NCALD: variants seen among roughly 807,000 people sequenced by gnomAD.
The protein encoded by NCALD is neurocalcin delta.
NCALD carries 10 observed loss-of-function variants against 18.6 expected under a neutral mutation model. The observed-to-expected ratio is 0.54, with a 90% CI of 0.33 to 0.91. The LOEUF (loss-of-function observed/expected upper bound fraction) is 0.91. Ranked by LOEUF, NCALD falls within the 40% of genes least tolerant of loss-of-function variation. The pLI is 0.03. For synonymous variants in NCALD, 88 were observed against 87.4 expected, an observed-to-expected ratio of 1.01 and a Z score of -0.04; for missense variants, 184 against 247.6, an observed-to-expected ratio of 0.74 and a Z score of 1.72.
chr8:102,034,586 A>C (rs758591082), intron 1 of NCALD, among the ~76,000 whole-genome samples: 1 of 152,186 alleles, frequency 6.6e-6, no homozygotes, highest in Non-Finnish European at 1.5e-5. Context: ...TAACTCACCA[A>C]TTGGCTTCTT....
intron 1 of NCALD, among the ~76,000 whole-genome samples, chr8:102,120,577 A>T (rs1825917552): frequency 6.6e-6 from 1 of 152,210 alleles, no homozygotes. Context: ...AGAAAAATAG[A>T]GAAATGAGGT....
intron 4 of NCALD, among the ~76,000 whole-genome samples, chr8:101,861,153 G>T (rs480955): frequency 0.28 from 42,147 of 151,922 alleles, 6,226 homozygotes; most frequent in East Asian, 0.39. Context: ...CGCCCAGAAT[G>T]GTAAGATAGT....
At chr8:102,003,055 C>T (rs7818772) in intron 2 of NCALD, among the ~76,000 whole-genome samples, 22,554 of 150,608 alleles carry the variant, frequency 0.15, 2,237 homozygotes, top group African/African-American at 0.28. Context: ...AACAGAGACA[C>T]AAAAAAAAAC....
intron 1 of NCALD, among the ~76,000 whole-genome samples, chr8:102,064,339 T>G (rs1036761128): frequency 6.6e-6 from 1 of 152,158 alleles, no homozygotes; most frequent in Non-Finnish European, 1.5e-5. Flanking sequence ...GAAGGGCCAC[T>G]GGATGCTTGT....
At chr8:101,809,448 A>G (rs1241771177) in intron 4 of NCALD, among the ~76,000 whole-genome samples, 1 of 152,224 alleles carries the variant, frequency 6.6e-6, no homozygotes. Context: ...TTAATCTCCC[A>G]TATAAAAGGA....
At chr8:102,074,065 C>A (rs1271666866) in intron 1 of NCALD, among the ~76,000 whole-genome samples, 1 of 152,160 alleles carries the variant, frequency 6.6e-6, no homozygotes, top group African/African-American at 2.4e-5. Context: ...ACGTTCCTAC[C>A]ACCCACTGTG....
At chr8:101,808,622 C>T (rs1813194700) in intron 4 of NCALD, among the ~76,000 whole-genome samples, 1 of 152,178 alleles carries the variant, frequency 6.6e-6, no homozygotes, top group Non-Finnish European at 1.5e-5. Flanking sequence ...CATGTGGTAG[C>T]TTCCAGAATT....
intron 1 of NCALD, among the ~76,000 whole-genome samples, chr8:102,031,297 A>C (rs1822661546): frequency 6.6e-6 from 1 of 152,230 alleles, no homozygotes; most frequent in Non-Finnish European, 1.5e-5. Flanking sequence ...ATGGAGCAGG[A>C]AGGTACAAAT....
At chr8:101,706,317 T>TAAA (rs1261711377) in intron 2 of NCALD, among the ~76,000 whole-genome samples, 3,586 of 145,984 alleles carry the variant, frequency 0.025, 106 homozygotes, top group African/African-American at 0.074. Context: ...TAAGACTATT[T>TAAA]AAAAAAAAAA....
At chr8:101,798,604 C>G (rs1013130479) in intron 4 of NCALD, among the ~76,000 whole-genome samples, 1 of 151,976 alleles carries the variant, frequency 6.6e-6, no homozygotes, top group Non-Finnish European at 1.5e-5. Context: ...ACAGAATTAA[C>G]ACAATTCTAA....
chr8:101,691,756 C>A (rs1344256775), intron 3 of NCALD: 5 of 985,284 alleles, frequency 5.1e-6, no homozygotes, highest in Non-Finnish European at 6.0e-6. Flanking sequence ...GGCAGCTGTA[C>A]CTGGGCGGGG....
chr8:101,917,313 C>A (rs1586750838), intron 2 of NCALD, among the ~76,000 whole-genome samples: 1 of 152,096 alleles, frequency 6.6e-6, no homozygotes, highest in Admixed American at 6.5e-5. Flanking sequence ...AGAGATTCAA[C>A]ACATCAACAT....
chr8:101,833,398 G>A (rs1419387417), intron 4 of NCALD, among the ~76,000 whole-genome samples: 1 of 152,100 alleles, frequency 6.6e-6, no homozygotes, highest in Non-Finnish European at 1.5e-5. Flanking sequence ...AAAAGGTTAA[G>A]TAACAAATGT....
intron 3 of NCALD, among the ~76,000 whole-genome samples, chr8:101,908,048 TGAGAGATCA>T (rs1187336396): frequency 1.3e-5 from 2 of 152,098 alleles, no homozygotes; most frequent in African/African-American, 4.8e-5. Flanking sequence ...AGGCAGAGTG[TGAGAGATCA>T]ATCTTGTAAA....
chr8:102,068,757 A>G (rs1441536591), intron 1 of NCALD, among the ~76,000 whole-genome samples: 1 of 152,192 alleles, frequency 6.6e-6, no homozygotes, highest in Admixed American at 6.5e-5. Flanking sequence ...GTTATATTTA[A>G]ATGTCTAGCT....
At chr8:101,988,902 G>GAA (rs35196499) in intron 2 of NCALD, among the ~76,000 whole-genome samples, 6,717 of 65,944 alleles carry the variant, frequency 0.1, 622 homozygotes, top group South Asian at 0.15. Flanking sequence ...GGTGCCAGCA[G>GAA]AAAAAAAAAA....
intron 1 of NCALD, among the ~76,000 whole-genome samples, chr8:101,739,261 T>C (rs1573285): frequency 0.76 from 115,592 of 151,858 alleles, 44,271 homozygotes; most frequent in Middle Eastern, 0.82. Flanking sequence ...CCCTTCTCAG[T>C]AGTGTCCTCT....
At position 102,090,869 on chromosome 8, in the gene NCALD, G is replaced by A. The variant is rs539678506; in HGVS notation, c.-210+33368C>T. 5.6e-4 allele frequency among the ~76,000 whole-genome samples: 85 copies of A among 152,290 alleles called. No homozygotes were observed. The South Asian group carries it at 9.7e-3, about 17-fold the overall frequency. On this transcript the variant is annotated intron_variant, in intron 1 of 6. Coordinates refer to the NCALD transcript ENST00000311028. ...GAGAAACTGGTTATTTTACCAAGGC[G>A]TTGTCTGGAATGGCGTGCTTTCCTT...
chr8:101,845,568 T>C (rs1290906493), intron 4 of NCALD, among the ~76,000 whole-genome samples: 1 of 152,218 alleles, frequency 6.6e-6, no homozygotes, highest in Non-Finnish European at 1.5e-5. Flanking sequence ...ACTGTACATA[T>C]TTATGGGGTC....
Sources: allele counts gnomAD v4.1 joint callset (sites outside exome capture counted in the v4.1 genomes callset), GRCh38; gene constraint gnomAD v4.1.1; transcripts MANE v1.5; gene names NCBI Gene and HGNC (gene_info 2026-07-23, HGNC 2026-07-21).